The following NHSL2 variants were observed in gnomAD, a reference collection of about 807,000 sequenced individuals.
NHSL2 encodes NHS-like protein 2.
NHSL2 carries 27 observed loss-of-function variants against 53.4 expected under a neutral mutation model. The ratio of observed to expected loss-of-function variants is 0.51; its 90% CI spans 0.37 to 0.70. NHSL2 has a LOEUF of 0.70. NHSL2 is among the 30% of genes least tolerant of loss of function. NHSL2 has a pLI of 0.00. For synonymous variants in NHSL2, 408 were observed against 404.1 expected (o/e 1.01, Z -0.12); for missense variants, 892 against 980.1 (o/e 0.91, Z 1.20).
chrX:72,098,343 A>G (rs909509737), intron 1 of NHSL2, among the ~76,000 whole-genome samples: 38 of 111,820 alleles, frequency 3.4e-4, no homozygotes, highest in Admixed American at 1.7e-3. Context: ...CACTTTGGGA[A>G]GCCGAGACGG....
chrX:71,963,996 TATAC>T (rs772597824), intron 1 of NHSL2, among the ~76,000 whole-genome samples: 3 of 40,555 alleles, frequency 7.4e-5, no homozygotes, highest in African/African-American at 1.5e-4. Context: ...TATATATGTA[TATAC>T]ATATATATAT....
rs1162828312 is a variant in NHSL2 at position 72,149,222 on chromosome X, T to G, written c.*5648T>G. The G allele has an allele frequency of 1.8e-5, 2 of 111,610 alleles. No individual in the cohort carries two copies. The highest frequency in any genetic ancestry group is 3.8e-5 in the Non-Finnish European group (2 of 53,117). The allele number at this position is 111,610 out of a possible 1,213,427, so 9.2% of individuals were successfully genotyped here. ...GGGTTTAAAAAAAAAAAAAAGATTT[T>G]TTTTAACTCACAAATGGAAAAAAGG... On this transcript the variant is annotated 3_prime_UTR_variant, in exon 8 of 8. Coordinates refer to ENST00000633930, the MANE Select transcript of NHSL2 (RefSeq NM_001013627.3).
At chrX:72,034,773 T>C (rs575296199) in intron 1 of NHSL2, among the ~76,000 whole-genome samples, 2 of 112,316 alleles carry the variant, frequency 1.8e-5, no homozygotes, top group East Asian at 5.5e-4. Flanking sequence ...CCCTGTTTCA[T>C]TCCTGACATT....
At chrX:71,941,054 C>G (rs1362933494) in intron 1 of NHSL2, among the ~76,000 whole-genome samples, 1 of 111,699 alleles carries the variant, frequency 9.0e-6, no homozygotes, top group Non-Finnish European at 1.9e-5. Flanking sequence ...ATGATTGACT[C>G]ATAATTCTCC....
chrX:72,047,843 G>C (rs745477195), intron 1 of NHSL2, among the ~76,000 whole-genome samples: 1 of 110,879 alleles, frequency 9.0e-6, no homozygotes, highest in Non-Finnish European at 1.9e-5. Flanking sequence ...GGCAAGATGG[G>C]AAGCCAAGAG....
In NHSL2 at chrX:72,041,976, C is replaced by T. The variant is rs150104049; in HGVS notation, c.281-90103C>T. On this transcript the variant is annotated intron_variant, in intron 1 of 7. Coordinates refer to ENST00000633930, the MANE Select transcript of NHSL2 (RefSeq NM_001013627.3). ...GGATGCTGCTAGCCTTCTGTTTTCC[C>T]GCAACCCTCAGGTCTGGGTTTCCCT... Among the ~76,000 whole-genome samples the T allele has an allele frequency of 1.6e-3, 179 of 112,079 alleles. 1 individual carries two copies. The highest frequency in any genetic ancestry group is 5.8e-4 in the Non-Finnish European group (31 of 53,159).
chrX:71,974,747 T>C (rs189357107), intron 1 of NHSL2, among the ~76,000 whole-genome samples: 250 of 112,064 alleles, frequency 2.2e-3, no homozygotes, highest in Non-Finnish European at 3.7e-3. Flanking sequence ...CCATGCTGAC[T>C]GTTGGCAAAA....
At chrX:72,132,813 C>G (rs1278164953) in intron 2 of NHSL2, among the ~76,000 whole-genome samples, 1 of 112,307 alleles carries the variant, frequency 8.9e-6, no homozygotes, top group Admixed American at 9.4e-5. Flanking sequence ...CCAGAAGCAC[C>G]TGGCACAAGG....
intron 1 of NHSL2, among the ~76,000 whole-genome samples, chrX:71,978,667 C>T (rs1249679436): frequency 3.7e-5 from 4 of 109,217 alleles, no homozygotes; most frequent in African/African-American, 1.3e-4. Context: ...ATCATTTAGC[C>T]TATCTTGGGC....
chrX:71,955,004 C>G (rs753354772), intron 1 of NHSL2, among the ~76,000 whole-genome samples: 1 of 112,361 alleles, frequency 8.9e-6, no homozygotes, highest in South Asian at 3.7e-4. Flanking sequence ...AGCAGCCTTT[C>G]CAGTCTTGTG....
chrX:72,133,293 G>A (rs2042324291), intron 2 of NHSL2, among the ~76,000 whole-genome samples: 1 of 112,086 alleles, frequency 8.9e-6, no homozygotes, highest in Non-Finnish European at 1.9e-5. Flanking sequence ...TAGAAGGGCT[G>A]CTGAGGAGGG....
chrX:72,015,660 T>C (rs1409605676), intron 1 of NHSL2, among the ~76,000 whole-genome samples: 1 of 112,278 alleles, frequency 8.9e-6, no homozygotes, highest in Non-Finnish European at 1.9e-5. Flanking sequence ...CACTTGATAA[T>C]AGTCAGACTT....
At chrX:72,131,793 G>A (rs1377676353) in intron 1 of NHSL2, 2 of 235,792 alleles carry the variant, frequency 8.5e-6, no homozygotes, top group African/African-American at 6.0e-5. Flanking sequence ...GAGGCACGGG[G>A]CCCGGAGGCG....
chrX:72,003,740 G>A (rs946843467), intron 1 of NHSL2, among the ~76,000 whole-genome samples: 5 of 111,607 alleles, frequency 4.5e-5, no homozygotes, highest in African/African-American at 1.3e-4. Flanking sequence ...TATCATAGTC[G>A]TTACTCTGTA....
chrX:72,086,171 T>G (rs983286687), intron 1 of NHSL2, among the ~76,000 whole-genome samples: 1 of 111,952 alleles, frequency 8.9e-6, no homozygotes, highest in Admixed American at 9.5e-5. Context: ...CCAGCAATAA[T>G]AAAGATACAC....
intron 1 of NHSL2, among the ~76,000 whole-genome samples, chrX:72,048,984 G>A (rs771040396): frequency 6.7e-4 from 15 of 22,260 alleles, no homozygotes; most frequent in African/African-American, 1.1e-3. Flanking sequence ...GGAGAAGAAG[G>A]AGGAGAAGAA....
In NHSL2 at chrX:71,947,354, C is replaced by G. The variant is rs576586802; in HGVS notation, c.280+35987C>G. 7.1e-5 allele frequency among the ~76,000 whole-genome samples: 8 copies of G among 112,263 alleles called. No homozygotes were observed. The East Asian group carries it at 2.2e-3, about 31-fold the overall frequency. On this transcript the variant is annotated intron_variant, in intron 1 of 7. Transcript: ENST00000633930. ...TTCCTAACCTCGTCCTGCAGATGTA[C>G]TAACTTTAGTTCCCGGAACCGGATT...
chrX:72,091,909 T>TTGGA (rs2041903420), intron 1 of NHSL2, among the ~76,000 whole-genome samples: 1 of 111,506 alleles, frequency 9.0e-6, no homozygotes, highest in Non-Finnish European at 1.9e-5. Flanking sequence ...GAAGCCTGGA[T>TTGGA]TGGAAGCCAG....
intron 1 of NHSL2, among the ~76,000 whole-genome samples, chrX:72,007,969 G>GC (rs1029205403): frequency 1.8e-5 from 2 of 112,823 alleles, no homozygotes; most frequent in African/African-American, 6.4e-5. Context: ...GGGTGCCTTT[G>GC]CTGGGGGAGT....
Sources: gnomAD v4.1 joint callset for allele counts (sites outside exome capture counted in the v4.1 genomes callset) on GRCh38, gnomAD v4.1.1 for gene constraint, MANE v1.5 for transcripts, NCBI Gene and HGNC (gene_info 2026-07-23, HGNC 2026-07-21) for gene names.